Variants in ASAP2 observed in about 807,000 individuals in gnomAD.
The protein encoded by ASAP2 is arf-GAP with SH3 domain, ANK repeat and PH domain-containing protein 2.
A neutral mutation model predicts 131.4 loss-of-function variants in ASAP2; 45 were observed. The observed-to-expected ratio is 0.34, with a 90% confidence interval of 0.27 to 0.44. The LOEUF is 0.44. ASAP2 is among the 20% of genes least tolerant of loss of function. ASAP2 has a pLI of 1.00. For synonymous variants in ASAP2, 510 were observed against 503.0 expected, an observed-to-expected ratio of 1.01 and a Z score of -0.19; for missense variants, 1,011 against 1,297.0, an observed-to-expected ratio of 0.78 and a Z score of 3.39.
intron 24 of ASAP2, among the ~76,000 whole-genome samples, chr2:9,395,017 G>A (rs919019218): frequency 8.5e-5 from 13 of 152,198 alleles, no homozygotes; most frequent in East Asian, 7.7e-4. Context: ...CTCATATCAC[G>A]GTGGCTGGGT....
chr2:9,341,457 C>T (rs1383152332), intron 9 of ASAP2, among the ~76,000 whole-genome samples: 1 of 152,038 alleles, frequency 6.6e-6, no homozygotes, highest in African/African-American at 2.4e-5. Context: ...TTCATTGTCA[C>T]CTTCTGGCAT....
intron 15 of ASAP2, among the ~76,000 whole-genome samples, chr2:9,366,962 T>C (rs1208709696): frequency 2.0e-5 from 3 of 151,970 alleles, no homozygotes; most frequent in South Asian, 2.1e-4. Flanking sequence ...CTACAAGAGA[T>C]AGACCCGATT....
At chr2:9,354,040 C>T (rs892728797) in intron 12 of ASAP2, among the ~76,000 whole-genome samples, 13 of 152,136 alleles carry the variant, frequency 8.5e-5, no homozygotes, top group African/African-American at 2.9e-4. Context: ...GTGGCAAGGC[C>T]GGCCCTTCTG....
intron 2 of ASAP2, among the ~76,000 whole-genome samples, chr2:9,287,271 G>A (rs62121299): frequency 0.2 from 29,743 of 152,278 alleles, 3,381 homozygotes; most frequent in Non-Finnish European, 0.27. Flanking sequence ...AAAATTCCAG[G>A]TGGTTTTGGT....
chr2:9,317,861 T>C (rs1353449717), intron 3 of ASAP2, among the ~76,000 whole-genome samples: 2 of 151,718 alleles, frequency 1.3e-5, no homozygotes, highest in East Asian at 3.9e-4. Flanking sequence ...ACCTACACGA[T>C]CACTCATACC....
At chr2:9,345,024 T>A (rs1400436640) in intron 11 of ASAP2, among the ~76,000 whole-genome samples, 1 of 151,924 alleles carries the variant, frequency 6.6e-6, no homozygotes, top group Non-Finnish European at 1.5e-5. Flanking sequence ...TTAATTTTTA[T>A]TTTTTATTTT....
chr2:9,302,928 G>A (rs190230174), intron 3 of ASAP2, among the ~76,000 whole-genome samples: 4 of 152,264 alleles, frequency 2.6e-5, no homozygotes, highest in Non-Finnish European at 5.9e-5. Flanking sequence ...ATCCTGGCTT[G>A]GCTGCATTGG....
intron 3 of ASAP2, among the ~76,000 whole-genome samples, chr2:9,317,212 T>G (rs1358105273): frequency 8.0e-6 from 1 of 125,214 alleles, no homozygotes; most frequent in East Asian, 2.2e-4. Flanking sequence ...CCCACTCACA[T>G]CCACACTCAC....
rs34520841 is a variant in ASAP2, at chr2:9,281,137, A to AT, written c.199+1762dup. On this transcript the variant is annotated intron_variant, in intron 2 of 27. Coordinates refer to ENST00000281419, the MANE Select transcript of ASAP2 (RefSeq NM_003887.3). The surrounding 1 kb of genome is among the most constrained non-coding windows in gnomAD (Gnocchi z 4.0). ...CAGATTTCAAAAAGTATCTTGGAAG[A>AT]TTTTTTTTTTTTTTACTGCGTTCAC... Among the ~76,000 whole-genome samples the AT allele has an allele frequency of 7.9e-3, 1,157 of 146,484 alleles. 10 individuals carry two copies. The highest frequency in any genetic ancestry group is 0.022 in the African/African-American group (875 of 39,832).
At position 9,267,897 on chromosome 2, in the gene ASAP2, C is replaced by CAAAAA. The variant is rs34716225; in HGVS notation, c.127-11399_127-11395dup. ...TGAGCAACAGAGCAAGACTCTATCT[C>CAAAAA]AAAAAAAAAAAAAAAAAAAAAAAAA... On this transcript the variant is annotated intron_variant, in intron 1 of 27. Transcript: ENST00000281419. 5.2e-3 allele frequency among the ~76,000 whole-genome samples: 337 copies of CAAAAA among 64,984 alleles called. 25 individuals are homozygous for CAAAAA. Among genetic ancestry groups the CAAAAA allele is most frequent in the African/African-American group, 0.019 (268 of 14,292 alleles). 42.6% of individuals were successfully genotyped at this position (64,984 alleles called of 152,430 possible).
At chr2:9,329,319 T>A (rs1466547305) in intron 7 of ASAP2, among the ~76,000 whole-genome samples, 1 of 152,138 alleles carries the variant, frequency 6.6e-6, no homozygotes, top group African/African-American at 2.4e-5. Context: ...CTTGAAGAAA[T>A]TGAAGCAGAG....
chr2:9,283,602 T>C (rs2148330601), intron 2 of ASAP2, among the ~76,000 whole-genome samples: 1 of 152,290 alleles, frequency 6.6e-6, no homozygotes, highest in Non-Finnish European at 1.5e-5. Context: ...TTTCTCACAC[T>C]GCATTGCTCT....
chr2:9,223,195 G>A lies in ASAP2; in HGVS notation c.126+15965G>A, dbSNP rs141350576. ...GTTTATTGTTCTATATTTTAAAATTGATTTATTATCTTCTATAGCAATGTT... is the reference window on the plus strand; with the variant it reads ...GTTTATTGTTCTATATTTTAAAATTAATTTATTATCTTCTATAGCAATGTT... On this transcript the variant is annotated intron_variant, in intron 1 of 27. Transcript: ENST00000281419. Among the ~76,000 whole-genome samples the A allele has an allele frequency of 6.0e-3, 913 of 152,258 alleles. 8 individuals carry two copies. The highest frequency in any genetic ancestry group is 0.021 in the African/African-American group (869 of 41,546).
chr2:9,324,659 T>C (rs1558332315), intron 6 of ASAP2, among the ~76,000 whole-genome samples: 2 of 152,200 alleles, frequency 1.3e-5, no homozygotes, highest in African/African-American at 2.4e-5. Flanking sequence ...AATCCACTCA[T>C]GCAGTGACCT....
chr2:9,314,487 A>T (rs1361042299), intron 3 of ASAP2, among the ~76,000 whole-genome samples: 2 of 152,188 alleles, frequency 1.3e-5, no homozygotes, highest in Non-Finnish European at 2.9e-5. Flanking sequence ...GATTTCTTCC[A>T]TCAATAATTT....
intron 15 of ASAP2, among the ~76,000 whole-genome samples, chr2:9,364,071 A>G (rs1213957991): frequency 6.6e-6 from 1 of 152,218 alleles, no homozygotes; most frequent in Admixed American, 6.5e-5. Context: ...GAAGATCATG[A>G]TTTCAGCTTT....
At chr2:9,270,811 G>C in intron 1 of ASAP2, among the ~76,000 whole-genome samples, 1 of 21,610 alleles carries the variant, frequency 4.6e-5, no homozygotes, top group Non-Finnish European at 9.1e-5. Context: ...TTTTTTTTTT[G>C]AGACGGAGTC....
rs979794367 is a variant in ASAP2 at position 9,268,678 on chromosome 2, C to T, written c.127-10639C>T. ...TCTGACTCTTCTTGGCAAAGCCACC[C>T]TGGGGGCACGGACCTGGGTGTGTTT... On this transcript the variant is annotated intron_variant, in intron 1 of 27. Transcript: ENST00000281419. This position sits in a 1 kb window ranked among gnomAD's most constrained non-coding sequence, Gnocchi z 4.1. Among the ~76,000 whole-genome samples the T allele has an allele frequency of 6.6e-6, 1 of 152,240 alleles. No homozygotes were observed. Among genetic ancestry groups the T allele is most frequent in the African/African-American group, 2.4e-5 (1 of 41,462 alleles).
At chr2:9,254,254 T>TATACAC (rs1553297027) in intron 1 of ASAP2, among the ~76,000 whole-genome samples, 4 of 65,766 alleles carry the variant, frequency 6.1e-5, no homozygotes, top group African/African-American at 2.2e-4. Context: ...TATATATATA[T>TATACAC]ACACGTGTGT....
Sources: gnomAD v4.1 joint callset for allele counts (sites outside exome capture counted in the v4.1 genomes callset) on GRCh38, gnomAD v4.1.1 for gene constraint, Gnocchi (gnomAD v3.1) non-coding constraint, MANE v1.5 for transcripts, NCBI Gene and HGNC (gene_info 2026-07-23, HGNC 2026-07-21) for gene names.